Variants in PIK3C2B observed in about 807,000 individuals in gnomAD.
PIK3C2B encodes the protein phosphatidylinositol-4-phosphate 3-kinase catalytic subunit type 2 beta.
In PIK3C2B, 83 loss-of-function variants were observed where a neutral mutation model predicts 184.3. That is an observed-to-expected ratio of 0.45 (90% CI 0.38 to 0.54). The LOEUF is 0.54. Ranked by LOEUF, PIK3C2B falls within the 20% of genes least tolerant of loss-of-function variation. The pLI is 0.00. For synonymous variants in PIK3C2B, 779 were observed against 837.6 expected, an observed-to-expected ratio of 0.93 and a Z score of 1.21; for missense variants, 1,736 against 2,113.5, an observed-to-expected ratio of 0.82 and a Z score of 3.50.
chr1:204,480,503 T>C (rs553149184), intron 1 of PIK3C2B, among the ~76,000 whole-genome samples: 40 of 152,088 alleles, frequency 2.6e-4, no homozygotes, highest in Non-Finnish European at 4.6e-4. Flanking sequence ...CCCTGTGCTC[T>C]CCCCTGCAAG....
intron 1 of PIK3C2B, among the ~76,000 whole-genome samples, chr1:204,473,310 G>A (rs960336814): frequency 2.0e-5 from 3 of 152,202 alleles, no homozygotes; most frequent in African/African-American, 4.8e-5. Context: ...AGGACAGACC[G>A]GCCCAAGCCC....
chr1:204,453,411 T>G (rs1045750743), intron 12 of PIK3C2B, among the ~76,000 whole-genome samples: 6 of 152,256 alleles, frequency 3.9e-5, no homozygotes, highest in Non-Finnish European at 1.5e-5. Context: ...TATTACCTTG[T>G]GCTTTTGGTT....
At chr1:204,446,689 G>A (rs1344819875) in intron 15 of PIK3C2B, among the ~76,000 whole-genome samples, 1 of 152,158 alleles carries the variant, frequency 6.6e-6, no homozygotes, top group Non-Finnish European at 1.5e-5. Flanking sequence ...GGTGTCTAAT[G>A]GGAGAAGGGA....
At position 204,433,569 on chromosome 1, in the gene PIK3C2B, G is replaced by A; in HGVS notation, c.3844-144C>T. 1 of 709,534 alleles carries A rather than the reference G, an allele frequency of 1.4e-6. No individual in the cohort carries two copies. Among genetic ancestry groups the A allele is most frequent in the African/African-American group, 1.8e-5 (1 of 56,466 alleles). The allele number at this position is 709,534 out of a possible 1,614,324, so 44.0% of individuals were successfully genotyped here. On this transcript the variant is annotated intron_variant, in intron 25 of 32. Coordinates refer to ENST00000684373, the MANE Select transcript of PIK3C2B (RefSeq NM_001377334.1). The surrounding 1 kb of genome is among the most constrained non-coding windows in gnomAD (Gnocchi z 5.0). ...AGACAGATGCTGTGGGCAGTGGCTGGAGGGCCACAGGAACTGAAGGGCTGG... is the reference window on the plus strand; with the variant it reads ...AGACAGATGCTGTGGGCAGTGGCTGAAGGGCCACAGGAACTGAAGGGCTGG...
intron 8 of PIK3C2B, among the ~76,000 whole-genome samples, chr1:204,459,056 G>A (rs61762593): frequency 0.012 from 1,794 of 148,826 alleles, 42 homozygotes; most frequent in African/African-American, 0.04. Context: ...ACTCTGTCAC[G>A]CAGGCTGGAG....
chr1:204,433,672 G>A lies in PIK3C2B; in HGVS notation c.3843+121C>T. On this transcript the variant is annotated intron_variant, in intron 25 of 32. Coordinates refer to ENST00000684373, the MANE Select transcript of PIK3C2B (RefSeq NM_001377334.1). This position sits in a 1 kb window ranked among gnomAD's most constrained non-coding sequence, Gnocchi z 5.0. ...CCCTGCCTTTATCTAGGGCAGGCAG[G>A]TATTCAGTTGGGGCTCAGAGAGGTA... 2 of 968,512 alleles carry A rather than the reference G, an allele frequency of 2.1e-6. No homozygotes were observed. Among genetic ancestry groups the A allele is most frequent in the Middle Eastern group, 4.5e-4 (2 of 4,416 alleles). 60.0% of individuals were successfully genotyped at this position (968,512 alleles called of 1,614,324 possible).
At position 204,432,276 on chromosome 1, in the gene PIK3C2B, G is replaced by A. The variant is rs1378475804; in HGVS notation, c.4079C>T (p.Thr1360Ile). The change falls in exon 27 of 33, where the codon ACT (threonine) becomes ATT (isoleucine). Residue 1360 changes from threonine to isoleucine, a missense_variant. By Grantham distance (89) the Thr-to-Ile change is moderately conservative. This residue lies in a region of PIK3C2B where 200 missense variants were observed against 199.1 expected (regional missense o/e 1.00). Transcript: ENST00000684373. ...ACTGATTCGGCCAGAGCTCTTGAGA[G>A]TGTGTGTTCGGGAGGCAAAGGAGAG... ...LTLSFASRTH[T>I]LKSSGRISDV... 7.4e-6 allele frequency: 12 copies of A among 1,614,156 alleles called. No homozygotes were observed. The East Asian group carries it at 2.5e-4, about 33-fold the overall frequency.
intron 29 of PIK3C2B, chr1:204,429,003 C>T (rs1315407193): frequency 2.1e-5 from 9 of 435,076 alleles, no homozygotes; most frequent in East Asian, 1.4e-4. Context: ...GCCAGAGGAT[C>T]GCTTGAGCTC....
intron 12 of PIK3C2B, among the ~76,000 whole-genome samples, chr1:204,453,776 A>C (rs1654574920): frequency 2.6e-5 from 1 of 38,122 alleles, no homozygotes; most frequent in African/African-American, 4.0e-5. Flanking sequence ...ACTAACATTT[A>C]ATTTTTTTTT....
chr1:204,460,599 C>A lies in PIK3C2B; in HGVS notation c.1373G>T (p.Arg458Leu). The stretch of plus-strand genomic sequence containing the variant: ...AACCTTCTGCTCCATCAGCTGTAGC[C>A]GAATGTCAATGTCAAACTTGCGGCA... Reference protein sequence around the residue: ...QYCRKFDIDIRLQLMEQKVVR... With the variant: ...QYCRKFDIDILLQLMEQKVVR... Residue 458 changes from arginine (R) to leucine (L), a missense_variant, in exon 6 of 33, where the codon CGG becomes CTG. Arg to Leu is a moderately radical substitution (Grantham distance 102, BLOSUM62 -2). Transcript: ENST00000684373. 6.2e-7 allele frequency: 1 copy of A among 1,614,026 alleles called. No individual in the cohort carries two copies. Among genetic ancestry groups the A allele is most frequent in the South Asian group, 1.1e-5 (1 of 91,078 alleles).
At chr1:204,462,595 G>C (rs1330800697) in intron 5 of PIK3C2B, among the ~76,000 whole-genome samples, 1 of 152,198 alleles carries the variant, frequency 6.6e-6, no homozygotes, top group Non-Finnish European at 1.5e-5. Context: ...GACCCCTCCT[G>C]TTCCTCTAGG....
In PIK3C2B at chr1:204,469,052, C is replaced by A. The variant is rs1015943106; in HGVS notation, c.751G>T (p.Asp251Tyr). Residue 251 changes from aspartate to tyrosine, a missense_variant, in exon 2 of 33, where the codon GAT becomes TAT. By Grantham distance (160) the Asp-to-Tyr change is radical. Around this residue, in one of 8 missense-constraint regions of PIK3C2B, gnomAD observed 404 missense variants for 418.0 expected, o/e 0.97. Coordinates refer to ENST00000684373, the MANE Select transcript of PIK3C2B (RefSeq NM_001377334.1). ...CCCTCCTTCCAGCCCCTGGTGGCAT[C>A]CCGCAACATCTCCGCATCATAGGTC... Reference protein sequence around the residue: ...KSTYDAEMLRDATRGWKEGRG... With the variant: ...KSTYDAEMLRYATRGWKEGRG... The A allele has an allele frequency of 3.7e-6, 6 of 1,614,214 alleles. No homozygotes were observed. The highest frequency in any genetic ancestry group is 5.1e-6 in the Non-Finnish European group (6 of 1,180,038).
chr1:204,468,768 G>T, intron 2 of PIK3C2B, 102 bp downstream of exon 2: 4 of 1,075,490 alleles, frequency 3.7e-6, no homozygotes, highest in Non-Finnish European at 5.3e-6. Context: ...GGCCTAAAGG[G>T]GTAAGGACTT....
At chr1:204,430,689 C>T (rs1366202323) in intron 28 of PIK3C2B, among the ~76,000 whole-genome samples, 2 of 151,120 alleles carry the variant, frequency 1.3e-5, no homozygotes, top group Non-Finnish European at 2.9e-5. Context: ...GACTGAGTCT[C>T]GCTTTGCCGC....
intron 1 of PIK3C2B, among the ~76,000 whole-genome samples, chr1:204,478,276 C>T (rs1311489699): frequency 6.6e-6 from 1 of 152,178 alleles, no homozygotes. Context: ...ATCCCACCTC[C>T]TTTGCAGCCA....
chr1:204,490,721 C>T (rs1329400346), intron 1 of PIK3C2B, among the ~76,000 whole-genome samples: 2 of 149,606 alleles, frequency 1.3e-5, no homozygotes, highest in African/African-American at 2.5e-5. Flanking sequence ...ACCAGAAGTT[C>T]GAGATCAGTC....
At chr1:204,488,762 C>T (rs1234842132) in intron 1 of PIK3C2B, among the ~76,000 whole-genome samples, 1 of 152,164 alleles carries the variant, frequency 6.6e-6, no homozygotes, top group Admixed American at 6.5e-5. Flanking sequence ...TAATTTCCTC[C>T]AAGAAGTCTG....
chr1:204,488,850 G>A (rs1485617865), intron 1 of PIK3C2B, among the ~76,000 whole-genome samples: 2 of 152,150 alleles, frequency 1.3e-5, no homozygotes, highest in African/African-American at 2.4e-5. Flanking sequence ...AGTACCTAAA[G>A]TCACTAGTAA....
intron 23 of PIK3C2B, among the ~76,000 whole-genome samples, chr1:204,436,168 C>A (rs965714753): frequency 2.0e-5 from 3 of 152,230 alleles, no homozygotes; most frequent in Non-Finnish European, 4.4e-5. Context: ...GTGTGGGATA[C>A]TCTCTTGCTG....
Sources: allele counts gnomAD v4.1 joint callset (sites outside exome capture counted in the v4.1 genomes callset), GRCh38; gene constraint gnomAD v4.1.1; regional missense constraint gnomAD v4.1.1; non-coding constraint Gnocchi (gnomAD v3.1); transcripts MANE v1.5; gene names NCBI Gene and HGNC (gene_info 2026-07-23, HGNC 2026-07-21).